ABCC5: variants seen among roughly 807,000 people sequenced by gnomAD.
ABCC5 encodes the protein ATP binding cassette subfamily C member 5.
A neutral mutation model predicts 160.9 loss-of-function variants in ABCC5; 61 were observed. The ratio of observed to expected loss-of-function variants is 0.38; its 90% CI spans 0.31 to 0.47. ABCC5 has a LOEUF of 0.47. Among genes scored for constraint, ABCC5 ranks in the 20% least tolerant of loss-of-function variants. ABCC5 has a pLI of 0.99. For synonymous variants in ABCC5, 666 were observed against 700.6 expected, an observed-to-expected ratio of 0.95 and a Z score of 0.78; for missense variants, 1,308 against 1,813.3, an observed-to-expected ratio of 0.72 and a Z score of 5.06.
intron 29 of ABCC5, among the ~76,000 whole-genome samples, chr3:183,923,673 A>G (rs1232227162): frequency 3.9e-5 from 6 of 152,214 alleles, no homozygotes; most frequent in Non-Finnish European, 4.4e-5. Flanking sequence ...CCCATCTATT[A>G]TACCTTACTA....
At chr3:183,955,826 A>G (rs1217059075) in intron 17 of ABCC5, among the ~76,000 whole-genome samples, 1 of 143,710 alleles carries the variant, frequency 7.0e-6, no homozygotes, top group Non-Finnish European at 1.5e-5. Flanking sequence ...AGTTACATGC[A>G]GCTCCGTGTG....
At chr3:183,985,026 T>C in intron 5 of ABCC5, 1 of 780,064 alleles carries the variant, frequency 1.3e-6, no homozygotes, top group Non-Finnish European at 2.1e-6. Context: ...ACATAGTGAA[T>C]GTTTACACTA....
chr3:183,979,344 CAAA>C (rs574015878), intron 8 of ABCC5, among the ~76,000 whole-genome samples: 11 of 107,640 alleles, frequency 1.0e-4, no homozygotes, highest in Non-Finnish European at 9.7e-5. Flanking sequence ...GGCCTTATCT[CAAA>C]AAAAAAAAAA....
At chr3:183,972,700 A>C (rs929873257) in intron 10 of ABCC5, among the ~76,000 whole-genome samples, 1 of 152,172 alleles carries the variant, frequency 6.6e-6, no homozygotes, top group African/African-American at 2.4e-5. Flanking sequence ...ATAGGAGTGC[A>C]GTGGCACGAT....
chr3:183,958,104 G>A (rs573062883), intron 17 of ABCC5, among the ~76,000 whole-genome samples: 3 of 152,130 alleles, frequency 2.0e-5, no homozygotes, highest in East Asian at 3.9e-4. Context: ...ATGCTTATCC[G>A]TGTGTATATC....
intron 2 of ABCC5, among the ~76,000 whole-genome samples, chr3:183,993,892 A>G (rs67296566): frequency 0.13 from 19,251 of 152,022 alleles, 1,380 homozygotes; most frequent in East Asian, 0.34. Flanking sequence ...TCTAAAAATC[A>G]CTACTAGAAC....
intron 8 of ABCC5, 68 bp downstream of exon 8, chr3:183,981,659 G>A (rs1400028312): frequency 1.3e-6 from 2 of 1,547,248 alleles, no homozygotes; most frequent in Admixed American, 1.9e-5. Flanking sequence ...AGCAAAGTGT[G>A]TGAATTATAA....
Position 183,927,331 on chromosome 3 carries a change from T to A in ABCC5, c.4046A>T (p.Lys1349Met). 1 of 1,612,952 alleles carries A rather than the reference T, an allele frequency of 6.2e-7. No individual in the cohort carries two copies. The highest frequency in any genetic ancestry group is 8.5e-7 in the Non-Finnish European group (1 of 1,179,404). The change falls in exon 28 of 30, where the codon AAG becomes ATG. Residue 1349 changes from lysine to methionine, a missense_variant and splice_region_variant. By Grantham distance (95) the Lys-to-Met change is moderately conservative. Transcript: ENST00000334444. ...CIARALLRHC[K>M]ILILDEATAA... Reference sequence around the variant, plus strand: ...GCTGCCAACCCCAAACTGCCTTACCTTACAGTGGCGGAGCAGGGCTCTAGC... The same window carrying A: ...GCTGCCAACCCCAAACTGCCTTACCATACAGTGGCGGAGCAGGGCTCTAGC...
At chr3:183,940,005 C>T (rs1435860249) in intron 25 of ABCC5, among the ~76,000 whole-genome samples, 1 of 152,130 alleles carries the variant, frequency 6.6e-6, no homozygotes, top group Non-Finnish European at 1.5e-5. Flanking sequence ...GGGATCTACC[C>T]CCTGGGCATA....
intron 17 of ABCC5, among the ~76,000 whole-genome samples, chr3:183,955,220 CAG>C (rs2108802771): frequency 6.6e-6 from 1 of 152,312 alleles, no homozygotes; most frequent in Admixed American, 6.5e-5. Flanking sequence ...GACAGCTTTG[CAG>C]AGACATTTCA....
rs377116459 is a variant in ABCC5, at chr3:183,977,866, C to T, written c.1297-242G>A. Among the ~76,000 whole-genome samples the T allele has an allele frequency of 2.1e-3, 314 of 152,232 alleles. 1 individual carries two copies. The highest frequency in any genetic ancestry group is 7.1e-3 in the African/African-American group (294 of 41,540). On this transcript the variant is annotated intron_variant, in intron 9 of 29. Coordinates refer to ENST00000334444, the MANE Select transcript of ABCC5 (RefSeq NM_005688.4). ...CTCCCAGGTTCAAGCAATTCTCCTG[C>T]CTCAGCCTCCCGAGTAGCTGGGATT...
chr3:183,926,601 C>T (rs1370360941), intron 28 of ABCC5, among the ~76,000 whole-genome samples: 1 of 152,072 alleles, frequency 6.6e-6, no homozygotes, highest in Non-Finnish European at 1.5e-5. Context: ...ATACTTGCCC[C>T]TACATGCTCT....
At chr3:184,015,567 T>G (rs558873968) in intron 1 of ABCC5, among the ~76,000 whole-genome samples, 2 of 152,164 alleles carry the variant, frequency 1.3e-5, no homozygotes, top group Non-Finnish European at 2.9e-5. Context: ...ACTAATCCTC[T>G]GAATAAAAAG....
intron 2 of ABCC5, among the ~76,000 whole-genome samples, chr3:184,012,712 G>C (rs1019755972): frequency 6.6e-6 from 1 of 152,098 alleles, no homozygotes; most frequent in Admixed American, 6.6e-5. Context: ...ATCAACATAA[G>C]GTCTAGACAA....
At chr3:183,980,491 T>C (rs1333888628) in intron 8 of ABCC5, among the ~76,000 whole-genome samples, 1 of 152,146 alleles carries the variant, frequency 6.6e-6, no homozygotes, top group African/African-American at 2.4e-5. Flanking sequence ...CTGGCAGATG[T>C]CCATTCAGAA....
intron 2 of ABCC5, among the ~76,000 whole-genome samples, chr3:183,999,069 G>A (rs564258505): frequency 1.4e-5 from 2 of 146,684 alleles, no homozygotes; most frequent in South Asian, 4.3e-4. Context: ...CAGCCTGTGT[G>A]ACAGAGGGAG....
At chr3:183,983,028 C>T (rs1328152495) in intron 5 of ABCC5, 21 bp from the exon 6 acceptor site, 4 of 1,580,378 alleles carry the variant, frequency 2.5e-6, no homozygotes, top group Middle Eastern at 1.7e-4. Context: ...AGACACACAC[C>T]ACTGTCAACA....
intron 26 of ABCC5, among the ~76,000 whole-genome samples, chr3:183,936,035 C>T (rs1049971804): frequency 2.0e-5 from 3 of 152,118 alleles, no homozygotes; most frequent in South Asian, 2.1e-4. Flanking sequence ...ACTGTTGAAA[C>T]ACTGACCCCA....
chr3:183,947,549 T>C (rs1185482957), intron 22 of ABCC5, 39 bp from the exon 23 acceptor site: 1 of 1,511,934 alleles, frequency 6.6e-7, no homozygotes, highest in African/African-American at 1.4e-5. Context: ...AAGAAAGTAC[T>C]ACACAACCCC....
Sources: allele counts gnomAD v4.1 joint callset (sites outside exome capture counted in the v4.1 genomes callset), GRCh38; gene constraint gnomAD v4.1.1; transcripts MANE v1.5; gene names NCBI Gene and HGNC (gene_info 2026-07-23, HGNC 2026-07-21).